PCDH10: variants seen among roughly 807,000 people sequenced by gnomAD.
The protein encoded by PCDH10 is protocadherin 10, also known as protocadherin-10.
A neutral mutation model predicts 74.4 loss-of-function variants in PCDH10; 15 were observed. The ratio of observed to expected loss-of-function variants is 0.20; its 90% confidence interval spans 0.13 to 0.31. PCDH10 has a LOEUF of 0.31. PCDH10 is among the 10% of genes least tolerant of loss of function. The pLI is 1.00. For missense variants in PCDH10, 1,260 were observed against 1,390.2 expected, an observed-to-expected ratio of 0.91 and a Z score of 1.49; for synonymous variants, 619 against 589.8, an observed-to-expected ratio of 1.05 and a Z score of -0.72.
At chr4:133,160,510 A>G (rs1184029797) in intron 3 of PCDH10, among the ~76,000 whole-genome samples, 1 of 151,396 alleles carries the variant, frequency 6.6e-6, no homozygotes, top group African/African-American at 2.4e-5. Context: ...CCAAACTCAA[A>G]TAATCGAAAG....
At chr4:133,160,650 G>A (rs1254931414) in intron 3 of PCDH10, among the ~76,000 whole-genome samples, 3 of 150,058 alleles carry the variant, frequency 2.0e-5, no homozygotes. Context: ...TTAAAATTAT[G>A]TGTGGAATCG....
chr4:133,200,255 A>C (rs1291877192), intron 2 of PCDH10, among the ~76,000 whole-genome samples: 1 of 151,994 alleles, frequency 6.6e-6, no homozygotes, highest in Admixed American at 6.6e-5. Flanking sequence ...TATGTAAATT[A>C]TAATTAGTTT....
chr4:133,158,711 A>G (rs1244794012), intron 3 of PCDH10, among the ~76,000 whole-genome samples: 4 of 152,106 alleles, frequency 2.6e-5, no homozygotes, highest in African/African-American at 9.7e-5. Context: ...ACAAATACCT[A>G]TTTCCAAACT....
At chr4:133,165,354 A>T (rs1041458553) in intron 4 of PCDH10, among the ~76,000 whole-genome samples, 3 of 151,058 alleles carry the variant, frequency 2.0e-5, no homozygotes, top group African/African-American at 7.3e-5. Context: ...GAGTCATCCA[A>T]TTATATTTAA....
chr4:133,157,166 T>G (rs904418110), intron 3 of PCDH10, among the ~76,000 whole-genome samples: 17 of 152,182 alleles, frequency 1.1e-4, no homozygotes, highest in Non-Finnish European at 2.4e-4. Flanking sequence ...ATAATAGCTA[T>G]TTTAGGATTG....
chr4:133,205,362 A>T (rs142021043), intron 2 of PCDH10, among the ~76,000 whole-genome samples: 2 of 152,240 alleles, frequency 1.3e-5, no homozygotes, highest in African/African-American at 4.8e-5. Flanking sequence ...GAGTTTCCAT[A>T]TCGTCTTCTA....
intron 2 of PCDH10, among the ~76,000 whole-genome samples, chr4:133,205,307 G>A (rs1469507943): frequency 1.3e-5 from 2 of 152,158 alleles, no homozygotes; most frequent in African/African-American, 4.8e-5. Context: ...GGTCAGGCTT[G>A]ACTCATGTCA....
At chr4:133,153,284 A>G in intron 1 of PCDH10, 1 of 1,007,822 alleles carries the variant, frequency 9.9e-7, no homozygotes, top group South Asian at 4.5e-5. Flanking sequence ...TGTTTTAGTG[A>G]ACAAGTTACC....
At chr4:133,154,124 G>C (rs1176684782) in intron 1 of PCDH10, among the ~76,000 whole-genome samples, 183 bp from the exon 2 acceptor site, 2 of 152,084 alleles carry the variant, frequency 1.3e-5, no homozygotes, top group Admixed American at 1.3e-4. Flanking sequence ...GTGGATTTAA[G>C]TGTCCCTGCA....
At chr4:133,182,069 GT>G (rs1727428667) in intron 4 of PCDH10, among the ~76,000 whole-genome samples, 1 of 151,902 alleles carries the variant, frequency 6.6e-6, no homozygotes, top group African/African-American at 2.4e-5. Context: ...ATCTTACATT[GT>G]TGGAATTTAT....
At chr4:133,169,881 G>C (rs1036785684) in intron 4 of PCDH10, among the ~76,000 whole-genome samples, 19 of 152,036 alleles carry the variant, frequency 1.2e-4, no homozygotes, top group African/African-American at 4.6e-4. Context: ...ATGTCATTTA[G>C]ATAATATAGA....
intron 4 of PCDH10, among the ~76,000 whole-genome samples, chr4:133,183,321 T>C (rs1347267049): frequency 6.6e-6 from 1 of 152,114 alleles, no homozygotes; most frequent in Non-Finnish European, 1.5e-5. Flanking sequence ...TGTTACCTTA[T>C]GAGAAGGTAG....
chr4:133,203,346 C>A (rs1194244601), intron 2 of PCDH10, among the ~76,000 whole-genome samples: 1 of 152,038 alleles, frequency 6.6e-6, no homozygotes, highest in African/African-American at 2.4e-5. Flanking sequence ...CTATACTCTG[C>A]TCATAGTTAT....
Position 133,150,322 on chromosome 4 carries a change from C to T in PCDH10, c.182C>T (p.Thr61Ile), listed in dbSNP as rs763249787. ...RGFQTVPNSR[T>I]PYLDLNLETG... is the part of the protein sequence containing the mutation. The stretch of plus-strand genomic sequence containing the variant: ...TTTCAGACGGTGCCCAACTCAAGGA[C>T]CCCTTACTTAGACCTCAACCTGGAG... The change falls in exon 1 of 5, where the codon ACC becomes ATC. Residue 61 changes from threonine (T) to isoleucine (I), a missense_variant. Coordinates refer to ENST00000264360, the MANE Select transcript of PCDH10 (RefSeq NM_032961.3). The T allele has an allele frequency of 3.1e-6, 5 of 1,613,464 alleles. No homozygotes were observed. In the African/African-American group the frequency reaches 5.3e-5, roughly 17 times the overall value.
intron 4 of PCDH10, among the ~76,000 whole-genome samples, chr4:133,171,737 A>G (rs548387552): frequency 9.2e-5 from 14 of 152,168 alleles, no homozygotes; most frequent in Non-Finnish European, 1.6e-4. Flanking sequence ...TAGAAAATGT[A>G]TAGAAAACTT....
At chr4:133,183,856 AATT>A (rs1173140070) in intron 4 of PCDH10, among the ~76,000 whole-genome samples, 1 of 152,146 alleles carries the variant, frequency 6.6e-6, no homozygotes, top group Admixed American at 6.6e-5. Context: ...TCTATGAGAC[AATT>A]ATTATGCTCA....
At chr4:133,206,513 A>AT (rs1195155666) in intron 2 of PCDH10, among the ~76,000 whole-genome samples, 6 of 152,248 alleles carry the variant, frequency 3.9e-5, no homozygotes, top group Non-Finnish European at 7.4e-5. Flanking sequence ...AGCCTTGGGA[A>AT]TTTTTTGTGG....
intron 4 of PCDH10, among the ~76,000 whole-genome samples, chr4:133,170,638 T>C (rs1041843218): frequency 3.9e-5 from 6 of 152,106 alleles, no homozygotes; most frequent in African/African-American, 1.4e-4. Context: ...CATGACAGTA[T>C]GGTGCTTGTT....
At chr4:133,197,204 A>G (rs1396962018), downstream of PCDH10, among the ~76,000 whole-genome samples, 1 of 152,202 alleles carries the variant, frequency 6.6e-6, no homozygotes, top group African/African-American at 2.4e-5. Flanking sequence ...GCACTAGGAC[A>G]TATTTATCTG....
Sources: allele counts gnomAD v4.1 joint callset (sites outside exome capture counted in the v4.1 genomes callset), GRCh38; gene constraint gnomAD v4.1.1; transcripts MANE v1.5; gene names NCBI Gene and HGNC (gene_info 2026-07-23, HGNC 2026-07-21).